Variants in TMEM178B observed in about 807,000 individuals in gnomAD.
TMEM178B encodes transmembrane protein 178B.
Under a neutral mutation model 31.0 loss-of-function variants are expected in TMEM178B, and 5 were observed. The ratio of observed to expected loss-of-function variants is 0.16; its 90% CI spans 0.08 to 0.34. The LOEUF is 0.34. Ranked by LOEUF, TMEM178B falls within the 10% of genes least tolerant of loss-of-function variation. The pLI, the probability that TMEM178B is intolerant of heterozygous loss-of-function variation, is 1.00. For synonymous variants in TMEM178B, 164 were observed against 164.0 expected (o/e 1.00, Z 0.00); for missense variants, 275 against 400.3 (o/e 0.69, Z 2.67).
chr7:141,199,912 G>C (rs1796848313), intron 1 of TMEM178B, among the ~76,000 whole-genome samples: 2 of 152,042 alleles, frequency 1.3e-5, no homozygotes. Flanking sequence ...TTAGCTGGGC[G>C]TAGTGGCGGG....
intron 2 of TMEM178B, among the ~76,000 whole-genome samples, chr7:141,436,544 G>C (rs2116679564): frequency 6.6e-6 from 1 of 152,286 alleles, no homozygotes; most frequent in African/African-American, 2.4e-5. Flanking sequence ...TGTTGGTGAA[G>C]GGTAGAGGGG....
At chr7:141,175,415 T>C (rs1796412102) in intron 1 of TMEM178B, among the ~76,000 whole-genome samples, 1 of 152,222 alleles carries the variant, frequency 6.6e-6, no homozygotes, top group Non-Finnish European at 1.5e-5. Context: ...AGCTTTGTTC[T>C]TTCTGCTTAG....
chr7:141,322,392 A>T (rs541974543), intron 2 of TMEM178B, among the ~76,000 whole-genome samples: 2 of 151,204 alleles, frequency 1.3e-5, no homozygotes, highest in Non-Finnish European at 2.9e-5. Flanking sequence ...TTAGCCGGGC[A>T]TGGTGGCATA....
rs139588026 is a variant in TMEM178B at position 141,268,231 on chromosome 7, G to A, written c.496+55527G>A. The stretch of plus-strand genomic sequence containing the variant: ...ATTAGTTTGAAAAAAGTCCCTGTCA[G>A]AGCAACATGTATTCTGTTAAAATTG... On this transcript the variant is annotated intron_variant, in intron 2 of 3. Coordinates refer to ENST00000565468, the MANE Select transcript of TMEM178B (RefSeq NM_001195278.2). Among the ~76,000 whole-genome samples the A allele has an allele frequency of 5.3e-3, 802 of 152,314 alleles. 2 individuals carry two copies. The highest frequency in any genetic ancestry group is 8.3e-3 in the Non-Finnish European group (565 of 68,030).
chr7:141,295,417 AT>A (rs36120537), intron 2 of TMEM178B, among the ~76,000 whole-genome samples: 8 of 151,396 alleles, frequency 5.3e-5, no homozygotes, highest in South Asian at 4.2e-4. Context: ...GTAATCCACT[AT>A]TTTTTTTTCT....
chr7:141,404,872 G>A (rs1279247708), intron 2 of TMEM178B, among the ~76,000 whole-genome samples: 1 of 152,162 alleles, frequency 6.6e-6, no homozygotes, highest in Admixed American at 6.5e-5. Flanking sequence ...GTATCCTGAT[G>A]TCTTGTCCAG....
chr7:141,349,823 AG>A (rs1361919213), intron 2 of TMEM178B, among the ~76,000 whole-genome samples: 2 of 152,230 alleles, frequency 1.3e-5, no homozygotes, highest in African/African-American at 4.8e-5. Flanking sequence ...GAGCCAGGGC[AG>A]AATGTAGTGT....
chr7:141,336,113 G>C (rs199923128), intron 2 of TMEM178B, among the ~76,000 whole-genome samples: 19 of 152,100 alleles, frequency 1.2e-4, no homozygotes, highest in East Asian at 7.7e-4. Context: ...TCGCTGTTAC[G>C]TGCCAACTGG....
rs534041414 is a variant in TMEM178B, at chr7:141,173,740, G to A, written c.383-38851G>A. Among the ~76,000 whole-genome samples the A allele has an allele frequency of 1.7e-3, 264 of 152,268 alleles. 1 individual carries two copies. The highest frequency in any genetic ancestry group is 2.9e-3 in the Non-Finnish European group (199 of 68,022). ...GATTGGTTGGCCAAGTTTGCCATGGGTGGGGGAGGATTACTTGTGTCATAC... is the reference window on the plus strand; with the variant it reads ...GATTGGTTGGCCAAGTTTGCCATGGATGGGGGAGGATTACTTGTGTCATAC... On this transcript the variant is annotated intron_variant, in intron 1 of 3. Coordinates refer to ENST00000565468, the MANE Select transcript of TMEM178B (RefSeq NM_001195278.2).
chr7:141,083,444 G>A (rs147059613), intron 1 of TMEM178B, among the ~76,000 whole-genome samples: 1 of 151,264 alleles, frequency 6.6e-6, no homozygotes, highest in Non-Finnish European at 1.5e-5. Context: ...GAAAAGAGGG[G>A]CAAGGCAAAA....
the TMEM178B span, among the ~76,000 whole-genome samples, chr7:141,491,706 G>A: frequency 3.9e-5 from 6 of 152,152 alleles, no homozygotes; most frequent in South Asian, 2.1e-4. Context: ...CATAGGAAGC[G>A]GGGGTCATGT....
chr7:141,181,419 T>C (rs1000748868), intron 1 of TMEM178B, among the ~76,000 whole-genome samples: 5 of 152,030 alleles, frequency 3.3e-5, no homozygotes, highest in African/African-American at 1.2e-4. Flanking sequence ...TGTAGACAGG[T>C]TGACTCTGGA....
intron 2 of TMEM178B, among the ~76,000 whole-genome samples, chr7:141,366,437 G>A (rs941547270): frequency 5.9e-5 from 9 of 152,194 alleles, no homozygotes; most frequent in African/African-American, 2.2e-4. Context: ...TTGGTTGCCT[G>A]TTAGACCAAA....
At chr7:141,203,758 C>T (rs566554389) in intron 1 of TMEM178B, among the ~76,000 whole-genome samples, 2 of 152,178 alleles carry the variant, frequency 1.3e-5, no homozygotes, top group Non-Finnish European at 2.9e-5. Context: ...CTAGAATACC[C>T]CTTCCTGAGG....
Position 141,203,867 on chromosome 7 carries a change from A to T in TMEM178B, c.383-8724A>T, listed in dbSNP as rs191420606. On this transcript the variant is annotated intron_variant, in intron 1 of 3. Coordinates refer to ENST00000565468, the MANE Select transcript of TMEM178B (RefSeq NM_001195278.2). ...TTTAAAAAAAGGAACTCTGGGATGGAGGAAACACACGGACTCTCAGAAGTG... is the reference window on the plus strand; with the variant it reads ...TTTAAAAAAAGGAACTCTGGGATGGTGGAAACACACGGACTCTCAGAAGTG... Among the ~76,000 whole-genome samples, 121 of 152,308 alleles carry T rather than the reference A, an allele frequency of 7.9e-4. 3 individuals are homozygous for T. Among genetic ancestry groups the T allele is most frequent in the African/African-American group, 2.6e-3 (109 of 41,572 alleles).
At chr7:141,311,499 T>C (rs548569703) in intron 2 of TMEM178B, among the ~76,000 whole-genome samples, 1 of 152,204 alleles carries the variant, frequency 6.6e-6, no homozygotes, top group South Asian at 2.1e-4. Context: ...AAAATATAAA[T>C]TCTGAATATT....
intron 2 of TMEM178B, among the ~76,000 whole-genome samples, chr7:141,341,611 A>G (rs1232048452): frequency 1.3e-5 from 2 of 152,228 alleles, no homozygotes; most frequent in Non-Finnish European, 1.5e-5. Flanking sequence ...TCTTCACTGC[A>G]GACAGGCAGT....
At chr7:141,220,771 C>T (rs950926823) in intron 2 of TMEM178B, among the ~76,000 whole-genome samples, 7 of 152,170 alleles carry the variant, frequency 4.6e-5, no homozygotes, top group East Asian at 1.9e-4. Flanking sequence ...CGCACTGATA[C>T]GGACACCACA....
intron 1 of TMEM178B, among the ~76,000 whole-genome samples, chr7:141,101,182 G>GA (rs1245475124): frequency 6.6e-6 from 1 of 152,088 alleles, no homozygotes; most frequent in Non-Finnish European, 1.5e-5. Context: ...GTAAATCTGG[G>GA]AAAAAAATAT....
Sources: allele counts gnomAD v4.1 joint callset (sites outside exome capture counted in the v4.1 genomes callset), GRCh38; gene constraint gnomAD v4.1.1; transcripts MANE v1.5; gene names NCBI Gene and HGNC (gene_info 2026-07-23, HGNC 2026-07-21).